PRKCE: variants seen among roughly 807,000 people sequenced by gnomAD.
PRKCE encodes protein kinase C epsilon.
A neutral mutation model predicts 85.4 loss-of-function variants in PRKCE; 16 were observed. The ratio of observed to expected loss-of-function variants is 0.19; its 90% CI spans 0.13 to 0.28. The LOEUF is 0.28. PRKCE is among the 10% of genes least tolerant of loss of function. PRKCE has a pLI of 1.00. For synonymous variants in PRKCE, 388 were observed against 371.5 expected, an observed-to-expected ratio of 1.04 and a Z score of -0.51; for missense variants, 573 against 975.2, an observed-to-expected ratio of 0.59 and a Z score of 5.49.
intron 10 of PRKCE, among the ~76,000 whole-genome samples, chr2:46,083,841 A>G (rs1430425988): frequency 6.6e-6 from 1 of 152,206 alleles, no homozygotes; most frequent in Non-Finnish European, 1.5e-5. Context: ...TGAAATGACA[A>G]AAAAGGAGAC....
At chr2:45,672,201 A>G (rs1460399559) in intron 1 of PRKCE, among the ~76,000 whole-genome samples, 2 of 151,988 alleles carry the variant, frequency 1.3e-5, no homozygotes, top group Non-Finnish European at 2.9e-5. Context: ...TTCATCCATC[A>G]TGCTTCCATC....
intron 2 of PRKCE, among the ~76,000 whole-genome samples, chr2:45,929,720 C>G (rs1354862866): frequency 6.6e-6 from 1 of 151,994 alleles, no homozygotes; most frequent in Non-Finnish European, 1.5e-5. Flanking sequence ...CCCCATCTTC[C>G]CCCCACCCCC....
intron 1 of PRKCE, 78 bp from the exon 2 acceptor site, chr2:45,842,922 T>G: frequency 1.5e-6 from 2 of 1,324,778 alleles, no homozygotes; most frequent in Non-Finnish European, 2.2e-6. Context: ...TTTAGCAGTT[T>G]GGGGTAGAAA....
chr2:45,954,731 G>C (rs1700856298), intron 2 of PRKCE, among the ~76,000 whole-genome samples: 1 of 152,200 alleles, frequency 6.6e-6, no homozygotes, highest in African/African-American at 2.4e-5. Flanking sequence ...GTCAAGAAAT[G>C]CAAGTACTTA....
At chr2:45,688,159 A>G (rs1281871710) in intron 1 of PRKCE, among the ~76,000 whole-genome samples, 6 of 152,246 alleles carry the variant, frequency 3.9e-5, no homozygotes, top group Non-Finnish European at 7.3e-5. Flanking sequence ...CCTGTTACAC[A>G]GTCCATCAGC....
chr2:45,849,479 C>T (rs1017583320), intron 2 of PRKCE, among the ~76,000 whole-genome samples: 6 of 152,198 alleles, frequency 3.9e-5, no homozygotes, highest in East Asian at 1.9e-4. Flanking sequence ...GATACTCCCA[C>T]GCTTTCTCTT....
chr2:45,820,946 C>A (rs1302357648), intron 1 of PRKCE, among the ~76,000 whole-genome samples: 1 of 152,106 alleles, frequency 6.6e-6, no homozygotes, highest in East Asian at 1.9e-4. Context: ...CTAGCTCTAG[C>A]TCCCTCACAT....
intron 2 of PRKCE, among the ~76,000 whole-genome samples, chr2:45,960,930 T>C (rs1701332283): frequency 6.6e-6 from 1 of 152,202 alleles, no homozygotes; most frequent in South Asian, 2.1e-4. Flanking sequence ...GAACTTATAA[T>C]GGCCCTCGCA....
chr2:46,025,695 G>C (rs1707053502), intron 10 of PRKCE, among the ~76,000 whole-genome samples: 1 of 152,130 alleles, frequency 6.6e-6, no homozygotes, highest in African/African-American at 2.4e-5. Flanking sequence ...AAGAACCCTG[G>C]GTTCCACCTA....
chr2:45,832,544 C>G (rs141179815), intron 1 of PRKCE, among the ~76,000 whole-genome samples: 3 of 152,078 alleles, frequency 2.0e-5, no homozygotes, highest in Non-Finnish European at 4.4e-5. Context: ...AACTCCTGAC[C>G]TCGTGATCCG....
At position 45,653,845 on chromosome 2, in the gene PRKCE, A is replaced by G. The variant is rs114600798; in HGVS notation, c.348+1397A>G. 7.5e-3 allele frequency among the ~76,000 whole-genome samples: 1,143 copies of G among 152,330 alleles called. 5 individuals carry two copies. Among genetic ancestry groups the G allele is most frequent in the Middle Eastern group, 0.02 (6 of 294 alleles). Reference sequence around the variant, plus strand: ...AGCAGGCAAACCTTTATGGAATCCCAGAGAACTCCATGCCATTCTATTCTA... The same window carrying G: ...AGCAGGCAAACCTTTATGGAATCCCGGAGAACTCCATGCCATTCTATTCTA... On this transcript the variant is annotated intron_variant, in intron 1 of 14. Coordinates refer to ENST00000306156, the MANE Select transcript of PRKCE (RefSeq NM_005400.3).
intron 2 of PRKCE, among the ~76,000 whole-genome samples, chr2:45,868,496 G>A (rs1035536891): frequency 6.6e-6 from 1 of 150,962 alleles, no homozygotes; most frequent in African/African-American, 2.4e-5. Context: ...GCTAATTTTT[G>A]TATTTTTAGT....
At chr2:45,978,711 C>T (rs1702651057) in intron 3 of PRKCE, 1 of 409,862 alleles carries the variant, frequency 2.4e-6, no homozygotes, top group Non-Finnish European at 4.4e-6. Flanking sequence ...CATTGCTGAC[C>T]ACACAGGAAT....
At chr2:45,887,565 C>T (rs1695394225) in intron 2 of PRKCE, among the ~76,000 whole-genome samples, 1 of 152,118 alleles carries the variant, frequency 6.6e-6, no homozygotes, top group South Asian at 2.1e-4. Flanking sequence ...GTTGCCACTC[C>T]TACAGATGAA....
At chr2:46,056,477 G>T (rs997046394) in intron 10 of PRKCE, among the ~76,000 whole-genome samples, 1 of 152,096 alleles carries the variant, frequency 6.6e-6, no homozygotes, top group African/African-American at 2.4e-5. Context: ...TATGTTATTT[G>T]CAGTGATTGT....
intron 2 of PRKCE, among the ~76,000 whole-genome samples, chr2:45,945,676 G>A (rs1168683725): frequency 1.3e-5 from 2 of 152,200 alleles, no homozygotes; most frequent in African/African-American, 2.4e-5. Context: ...ACAGTCCCCT[G>A]CAAGGCAGGT....
intron 6 of PRKCE, among the ~76,000 whole-genome samples, chr2:45,987,561 G>A (rs1703436426): frequency 6.6e-6 from 1 of 152,070 alleles, no homozygotes; most frequent in African/African-American, 2.4e-5. Context: ...AGTACAGAGA[G>A]TCCCTGTATT....
chr2:45,676,932 C>G (rs1473172269), intron 1 of PRKCE: 3 of 152,126 alleles, frequency 2.0e-5, no homozygotes, highest in Admixed American at 6.5e-5. Context: ...AATTGGGGGA[C>G]AGATACTCAA....
chr2:45,860,734 T>G (rs1992932), intron 2 of PRKCE, among the ~76,000 whole-genome samples: 2 of 151,878 alleles, frequency 1.3e-5, no homozygotes, highest in Non-Finnish European at 2.9e-5. Context: ...CTTTGGCCAG[T>G]GCTCTCTTCA....
Sources: allele counts gnomAD v4.1 joint callset (sites outside exome capture counted in the v4.1 genomes callset), GRCh38; gene constraint gnomAD v4.1.1; transcripts MANE v1.5; gene names NCBI Gene and HGNC (gene_info 2026-07-23, HGNC 2026-07-21).